The following CYP3A5 variants were observed in gnomAD, a reference collection of about 807,000 sequenced individuals.
CYP3A5 encodes cytochrome P450 family 3 subfamily A member 5.
A neutral mutation model predicts 55.9 loss-of-function variants in CYP3A5; 51 were observed. The ratio of observed to expected loss-of-function variants is 0.91; its 90% CI spans 0.73 to 1.15. The LOEUF is 1.15. Ranked by LOEUF, CYP3A5 falls within the 50% of genes most tolerant of loss-of-function variation. CYP3A5 has a pLI of 0.00. For missense variants in CYP3A5, 533 were observed against 596.6 expected (o/e 0.89, Z 1.11); for synonymous variants, 196 against 213.9 (o/e 0.92, Z 0.73).
At chr7:99,661,647 A>G (rs1301191391) in intron 9 of CYP3A5, among the ~76,000 whole-genome samples, 7 of 152,250 alleles carry the variant, frequency 4.6e-5, no homozygotes, top group Non-Finnish European at 1.0e-4. Flanking sequence ...GCCTGCAGCA[A>G]TCATGTAACT....
At chr7:99,655,918 CA>C (rs1809676982) in intron 10 of CYP3A5, among the ~76,000 whole-genome samples, 1 of 152,108 alleles carries the variant, frequency 6.6e-6, no homozygotes, top group Non-Finnish European at 1.5e-5. Flanking sequence ...GTGATTTTTG[CA>C]CATTGATTTT....
intron 4 of CYP3A5, among the ~76,000 whole-genome samples, 168 bp downstream of exon 4, chr7:99,672,412 C>G (rs1244914706): frequency 2.6e-5 from 4 of 151,888 alleles, no homozygotes; most frequent in African/African-American, 9.7e-5. Flanking sequence ...ATATATATTG[C>G]AATATACAAG....
intron 3 of CYP3A5, among the ~76,000 whole-genome samples, chr7:99,673,636 T>C (rs10271217): frequency 0.031 from 4,702 of 152,336 alleles, 228 homozygotes; most frequent in African/African-American, 0.1. Flanking sequence ...CTATTATCTC[T>C]CAACCCTTCT....
At chr7:99,660,808 T>C in intron 9 of CYP3A5, 149 bp from the exon 10 acceptor site, 2 of 930,624 alleles carry the variant, frequency 2.1e-6, no homozygotes, top group East Asian at 2.8e-5. Flanking sequence ...CATTCTGATA[T>C]GTATCTTATA....
At chr7:99,658,220 C>T (rs530683018) in intron 10 of CYP3A5, among the ~76,000 whole-genome samples, 1 of 152,086 alleles carries the variant, frequency 6.6e-6, no homozygotes, top group Admixed American at 6.6e-5. Context: ...TGGCTGGTAC[C>T]AGTTGTTCCT....
At chr7:99,676,712 T>A in intron 1 of CYP3A5, 2 of 503,642 alleles carry the variant, frequency 4.0e-6, no homozygotes. Flanking sequence ...GAAATGTTTA[T>A]GCTTTTTCTT....
chr7:99,664,146 T>C (rs1810739748), intron 7 of CYP3A5, 51 bp from the exon 8 acceptor site: 1 of 1,392,874 alleles, frequency 7.2e-7, no homozygotes, highest in African/African-American at 1.5e-5. Flanking sequence ...ATGCAAACTT[T>C]ACCTGGAGCA....
chr7:99,656,034 A>G (rs1441407917), intron 10 of CYP3A5, among the ~76,000 whole-genome samples: 2 of 152,218 alleles, frequency 1.3e-5, no homozygotes, highest in Admixed American at 6.5e-5. Flanking sequence ...AACAGGGACA[A>G]TTTGACTTCC....
intron 4 of CYP3A5, 56 bp from the exon 5 acceptor site, chr7:99,667,121 G>A: frequency 6.7e-7 from 1 of 1,497,332 alleles, no homozygotes; most frequent in Non-Finnish European, 9.2e-7. Context: ...CTTCATGGTT[G>A]CACAAAATAT....
intron 3 of CYP3A5, among the ~76,000 whole-genome samples, chr7:99,673,776 G>A (rs907085841): frequency 1.3e-5 from 2 of 152,186 alleles, no homozygotes; most frequent in African/African-American, 4.8e-5. Context: ...GACAATGCAT[G>A]TGATAAAAGG....
intron 7 of CYP3A5, 89 bp downstream of exon 7, chr7:99,665,077 T>G (rs1426284451): frequency 2.1e-5 from 24 of 1,147,768 alleles, no homozygotes; most frequent in Admixed American, 5.2e-5. Context: ...AATTGTACCT[T>G]TTAAGTGGAT....
At chr7:99,671,671 C>T in intron 4 of CYP3A5, 1 of 601,128 alleles carries the variant, frequency 1.7e-6, no homozygotes, top group East Asian at 2.8e-5. Flanking sequence ...GAGGGCTAAG[C>T]AAAGGATTTT....
rs540621256 is a variant in CYP3A5, at chr7:99,658,620, T to C, written c.1026+1879A>G. ...GTTCTCTGTATTTCCTGAATTTGAA[T>C]GTTGGCCTGCCTTGCTAGATTGGGG... On this transcript the variant is annotated intron_variant, in intron 10 of 12. Coordinates refer to ENST00000222982, the MANE Select transcript of CYP3A5 (RefSeq NM_000777.5). 4.7e-3 allele frequency among the ~76,000 whole-genome samples: 717 copies of C among 152,330 alleles called. 2 individuals are homozygous for C. Among genetic ancestry groups the C allele is most frequent in the African/African-American group, 0.016 (682 of 41,568 alleles).
chr7:99,677,212 C>T (rs1170730392), intron 1 of CYP3A5: 1 of 985,304 alleles, frequency 1.0e-6, no homozygotes, highest in Non-Finnish European at 1.2e-6. Context: ...AGACCTTCCC[C>T]CTCCGGTGTG....
At chr7:99,657,931 G>T (rs1809941605) in intron 10 of CYP3A5, among the ~76,000 whole-genome samples, 1 of 152,052 alleles carries the variant, frequency 6.6e-6, no homozygotes, top group South Asian at 2.1e-4. Flanking sequence ...TTGTCCATTT[G>T]CTTGGTAGAT....
At position 99,653,531 on chromosome 7, in the gene CYP3A5, A is replaced by C. The variant is rs1809392900; in HGVS notation, c.1027-752T>G. 6.6e-6 allele frequency among the ~76,000 whole-genome samples: 1 copy of C among 152,170 alleles called. No homozygotes were observed. The highest frequency in any genetic ancestry group is 2.1e-4 in the South Asian group (1 of 4,830). On this transcript the variant is annotated intron_variant, in intron 10 of 12. Coordinates refer to ENST00000222982, the MANE Select transcript of CYP3A5 (RefSeq NM_000777.5). The surrounding 1 kb of genome is among the most constrained non-coding windows in gnomAD (Gnocchi z 4.2). ...TTTCTATCACAAATACGACAAAATA[A>C]ATTTATGATTGGATGCTACCAAGGT...
chr7:99,672,625 T>C lies in CYP3A5; in HGVS notation c.273A>G (p.Arg91=). The C allele has an allele frequency of 6.2e-7, 1 of 1,614,148 alleles. No homozygotes were observed. Residue 91 remains arginine, a synonymous_variant, in exon 4 of 13, where the codon AGA becomes AGG. Coordinates refer to ENST00000222982, the MANE Select transcript of CYP3A5 (RefSeq NM_000777.5). ...AATAACATTCTTTCACTAGCACTGT[T>C]CTGATCACGTCGGGATCTGTGATGG... is the stretch of plus-strand genomic sequence containing the variant. ...VLAITDPDVI[R]TVLVKECYSV... is the part of the protein sequence containing the mutation.
At chr7:99,665,419 C>T in intron 6 of CYP3A5, 105 bp from the exon 7 acceptor site, 1 of 1,451,754 alleles carries the variant, frequency 6.9e-7, no homozygotes, top group South Asian at 1.2e-5. Context: ...CATAAAGAGC[C>T]ACAGACTTTC....
rs1021713618 is a variant in CYP3A5 at position 99,674,245 on chromosome 7, A to G, written c.218+288T>C. Reference sequence around the variant, plus strand: ...ACCCTTGTTATTGATCTTTGTAGCTAACAATAATTATCTCAAAACAGTTAT... The same window carrying G: ...ACCCTTGTTATTGATCTTTGTAGCTGACAATAATTATCTCAAAACAGTTAT... On this transcript the variant is annotated intron_variant, in intron 3 of 12. Coordinates refer to ENST00000222982, the MANE Select transcript of CYP3A5 (RefSeq NM_000777.5). 10 of 277,850 alleles carry G rather than the reference A, an allele frequency of 3.6e-5. 1 individual carries two copies. Among genetic ancestry groups the G allele is most frequent in the Non-Finnish European group, 5.3e-5 (8 of 149,876 alleles). The allele number at this position is 277,850 out of a possible 1,614,324, so 17.2% of individuals were successfully genotyped here.
Sources: gnomAD v4.1 joint callset for allele counts (sites outside exome capture counted in the v4.1 genomes callset) on GRCh38, gnomAD v4.1.1 for gene constraint, Gnocchi (gnomAD v3.1) non-coding constraint, MANE v1.5 for transcripts, NCBI Gene and HGNC (gene_info 2026-07-23, HGNC 2026-07-21) for gene names.